The following PLPPR1 variants were observed in gnomAD, a reference collection of about 807,000 sequenced individuals.
The protein encoded by PLPPR1 is phospholipid phosphatase-related protein type 1.
PLPPR1 carries 10 observed loss-of-function variants against 33.1 expected under a neutral mutation model. The observed-to-expected ratio is 0.30, with a 90% CI of 0.19 to 0.51. PLPPR1 has a LOEUF of 0.51. Among genes scored for constraint, PLPPR1 ranks in the 20% least tolerant of loss-of-function variants. The probability of loss-of-function intolerance (pLI) is 0.97; values close to 1 mark genes in which losing one functional copy is unlikely to be tolerated. For synonymous variants in PLPPR1, 151 were observed against 151.0 expected (o/e 1.00, Z 0.00); for missense variants, 304 against 408.1 (o/e 0.74, Z 2.20).
At chr9:101,284,195 G>A (rs1018826216) in intron 3 of PLPPR1, among the ~76,000 whole-genome samples, 8 of 152,148 alleles carry the variant, frequency 5.3e-5, no homozygotes, top group African/African-American at 1.2e-4. Context: ...TGCCATATTC[G>A]TTGCAGCATT....
At chr9:101,263,321 A>G (rs1252465039) in intron 2 of PLPPR1, among the ~76,000 whole-genome samples, 1 of 152,188 alleles carries the variant, frequency 6.6e-6, no homozygotes, top group Non-Finnish European at 1.5e-5. Context: ...TTTTGATCTT[A>G]TAGATATTGA....
chr9:101,179,023 C>T (rs1826060094), intron 1 of PLPPR1, among the ~76,000 whole-genome samples: 1 of 152,158 alleles, frequency 6.6e-6, no homozygotes, highest in Non-Finnish European at 1.5e-5. Context: ...TGGGCTTCTC[C>T]TACCTTTAAG....
intron 2 of PLPPR1, among the ~76,000 whole-genome samples, chr9:101,228,222 T>C (rs1305977942): frequency 6.6e-6 from 1 of 152,132 alleles, no homozygotes. Flanking sequence ...AGAAAAATAA[T>C]GTTGCAAACT....
At chr9:101,081,984 G>C (rs755535064) in intron 1 of PLPPR1, among the ~76,000 whole-genome samples, 4 of 152,212 alleles carry the variant, frequency 2.6e-5, no homozygotes, top group Non-Finnish European at 5.9e-5. Flanking sequence ...TTAAGCAGGT[G>C]CAATGCTCTG....
chr9:101,274,511 G>C (rs1488416632), intron 3 of PLPPR1, among the ~76,000 whole-genome samples: 1 of 152,188 alleles, frequency 6.6e-6, no homozygotes, highest in East Asian at 1.9e-4. Context: ...GCGTGGCCTT[G>C]CTACCCTGCT....
intron 7 of PLPPR1, among the ~76,000 whole-genome samples, chr9:101,318,020 T>A (rs1829086591): frequency 6.6e-6 from 1 of 152,182 alleles, no homozygotes; most frequent in African/African-American, 2.4e-5. Flanking sequence ...ATTGATATAG[T>A]CCTTGCCCTC....
chr9:101,067,147 A>C (rs927026817), intron 1 of PLPPR1, among the ~76,000 whole-genome samples: 3 of 152,080 alleles, frequency 2.0e-5, no homozygotes, highest in African/African-American at 7.2e-5. Context: ...GCGAGGTCAT[A>C]AATTTTTTTC....
intron 1 of PLPPR1, among the ~76,000 whole-genome samples, chr9:101,116,850 T>A (rs1831123895): frequency 6.6e-6 from 1 of 151,882 alleles, no homozygotes; most frequent in African/African-American, 2.4e-5. Flanking sequence ...AAGATAAGCT[T>A]ATTGAATGTT....
intron 2 of PLPPR1, among the ~76,000 whole-genome samples, chr9:101,258,838 AT>A (rs1204130473): frequency 6.6e-6 from 1 of 152,064 alleles, no homozygotes; most frequent in East Asian, 1.9e-4. Context: ...TTGCTGTAGG[AT>A]TTTATATTTA....
intron 1 of PLPPR1, among the ~76,000 whole-genome samples, chr9:101,029,590 C>T (rs907434152): frequency 2.0e-5 from 3 of 152,218 alleles, no homozygotes; most frequent in Non-Finnish European, 2.9e-5. Context: ...GGGCACCTGT[C>T]ATCCTTCCCT....
In PLPPR1 at chr9:101,185,842, C is replaced by A. The variant is rs573906441; in HGVS notation, c.63+285C>A. 3.3e-5 allele frequency among the ~76,000 whole-genome samples: 5 copies of A among 151,544 alleles called. No homozygotes were observed. The South Asian group carries it at 1.0e-3, about 32-fold the overall frequency. ...TGTTTTATTATATTTCTTCTATTTT[C>A]GACAATGATGTGAATGTTAACTATG... On this transcript the variant is annotated intron_variant, in intron 2 of 7. Transcript: ENST00000374874.
chr9:101,056,880 G>A (rs1207206941), intron 1 of PLPPR1, among the ~76,000 whole-genome samples: 1 of 152,060 alleles, frequency 6.6e-6, no homozygotes, highest in East Asian at 1.9e-4. Flanking sequence ...ACAAAGGAGT[G>A]GTAGGGAGGG....
intron 1 of PLPPR1, among the ~76,000 whole-genome samples, chr9:101,114,855 G>A (rs1299225578): frequency 6.6e-6 from 1 of 152,208 alleles, no homozygotes; most frequent in Middle Eastern, 3.2e-3. Flanking sequence ...GTAGGTGGAT[G>A]CTGGTAGACA....
At chr9:101,129,258 C>G (rs1831285869) in intron 1 of PLPPR1, among the ~76,000 whole-genome samples, 1 of 152,022 alleles carries the variant, frequency 6.6e-6, no homozygotes, top group South Asian at 2.1e-4. Context: ...CTCTCATTCA[C>G]CACTGGTGAT....
At chr9:101,201,259 C>T (rs1047365304) in intron 2 of PLPPR1, among the ~76,000 whole-genome samples, 1 of 152,178 alleles carries the variant, frequency 6.6e-6, no homozygotes, top group African/African-American at 2.4e-5. Flanking sequence ...CTCAATACTA[C>T]CACTTTGGCC....
chr9:101,140,930 C>T (rs943281531), intron 1 of PLPPR1, among the ~76,000 whole-genome samples: 5 of 152,122 alleles, frequency 3.3e-5, no homozygotes, highest in South Asian at 2.1e-4. Context: ...GTGAGATAAG[C>T]GACCTCAAGG....
chr9:101,121,392 C>T (rs1200783025), intron 1 of PLPPR1, among the ~76,000 whole-genome samples: 7 of 152,132 alleles, frequency 4.6e-5, no homozygotes, highest in African/African-American at 1.7e-4. Context: ...TGTCTAAGTT[C>T]ACATCATAGT....
chr9:101,292,254 AGAAAT>A (rs1285988817), intron 4 of PLPPR1, among the ~76,000 whole-genome samples: 3 of 152,214 alleles, frequency 2.0e-5, no homozygotes, highest in Non-Finnish European at 4.4e-5. Context: ...AAGAATAAAA[AGAAAT>A]GAACAAAGCC....
chr9:101,179,507 A>G (rs1175728832), intron 1 of PLPPR1, among the ~76,000 whole-genome samples: 1 of 152,148 alleles, frequency 6.6e-6, no homozygotes, highest in Non-Finnish European at 1.5e-5. Context: ...TTCCTTTATC[A>G]TGTGACATAA....
Sources: gnomAD v4.1 joint callset for allele counts (sites outside exome capture counted in the v4.1 genomes callset) on GRCh38, gnomAD v4.1.1 for gene constraint, MANE v1.5 for transcripts, NCBI Gene and HGNC (gene_info 2026-07-23, HGNC 2026-07-21) for gene names.